The following MYO9B variants were observed in gnomAD, a reference collection of about 807,000 sequenced individuals.
The protein encoded by MYO9B is myosin IXB.
In MYO9B, 71 loss-of-function variants were observed where a neutral mutation model predicts 229.5. That is an observed-to-expected ratio of 0.31 (90% confidence interval 0.26 to 0.38). The LOEUF (loss-of-function observed/expected upper bound fraction) is 0.38. Among genes scored for constraint, MYO9B ranks in the 10% least tolerant of loss-of-function variants. MYO9B has a pLI of 1.00. For missense variants in MYO9B, 2,255 were observed against 2,920.5 expected (o/e 0.77, Z 5.25); for synonymous variants, 1,185 against 1,235.8 (o/e 0.96, Z 0.86).
rs191233046 is a variant in MYO9B, at chr19:17,202,276, C to T, written c.4809C>T (p.Tyr1603=). ...QSLLDEFTRG[Y]TKNDFEPVKQ... The stretch of plus-strand genomic sequence containing the variant: ...TGCTAGATGAGTTCACCCGTGGCTA[C>T]ACCAAGAACGACTTCGAGCCAGTGA... The change falls in exon 28 of 40, where the codon TAC becomes TAT. Residue 1603 remains tyrosine, a synonymous_variant. Coordinates refer to ENST00000682292, the MANE Select transcript of MYO9B (RefSeq NM_004145.4). 34 of 1,578,236 alleles carry T rather than the reference C, an allele frequency of 2.2e-5. No individual in the cohort carries two copies. In the East Asian group the frequency reaches 7.1e-4, roughly 33 times the overall value.
intron 37 of MYO9B, 32 bp downstream of exon 37, chr19:17,210,412 TGTCTCCCGGTGCA>T: frequency 1.9e-6 from 3 of 1,559,874 alleles, no homozygotes; most frequent in Non-Finnish European, 2.6e-6. Context: ...CCGCGGTGCA[TGTCTCCCGGTGCA>T]GTGCATGCTG....
intron 2 of MYO9B, among the ~76,000 whole-genome samples, chr19:17,129,887 C>G (rs574542925): frequency 6.6e-6 from 1 of 152,260 alleles, no homozygotes; most frequent in African/African-American, 2.4e-5. Context: ...GCAATCATAG[C>G]TCACTGTAGC....
chr19:17,183,711 C>T lies in MYO9B; in HGVS notation c.2334-118C>T. 1.8e-5 allele frequency: 15 copies of T among 826,458 alleles called. 1 individual carries two copies. In the South Asian group the frequency reaches 2.7e-4, roughly 15 times the overall value. 51.2% of individuals were successfully genotyped at this position (826,458 alleles called of 1,614,324 possible). ...GCCTTGTTGCACTTGCGCCTTCTCA[C>T]TCTCTCCCCTCTCTCTGTGTCTCTC... On this transcript the variant is annotated intron_variant, in intron 15 of 39. Coordinates refer to ENST00000682292, the MANE Select transcript of MYO9B (RefSeq NM_004145.4).
intron 13 of MYO9B, among the ~76,000 whole-genome samples, chr19:17,175,180 G>A (rs1026039881): frequency 6.6e-6 from 1 of 151,636 alleles, no homozygotes; most frequent in Non-Finnish European, 1.5e-5. Context: ...GGCTGAAGTA[G>A]GAGGATTGCT....
At chr19:17,103,337 T>C (rs1188555364) in intron 2 of MYO9B, 1 of 152,134 alleles carries the variant, frequency 6.6e-6, no homozygotes, top group Non-Finnish European at 1.5e-5. Context: ...AAGAAGAGGA[T>C]GCAATGCCAT....
At chr19:17,140,581 C>T (rs567355805) in intron 2 of MYO9B, among the ~76,000 whole-genome samples, 6 of 151,978 alleles carry the variant, frequency 3.9e-5, no homozygotes, top group East Asian at 2.0e-4. Flanking sequence ...CTCCGCCTCC[C>T]GGGTTCAAGC....
intron 3 of MYO9B, among the ~76,000 whole-genome samples, chr19:17,149,658 CTT>C (rs1186554747): frequency 6.6e-6 from 1 of 152,204 alleles, no homozygotes; most frequent in Non-Finnish European, 1.5e-5. Context: ...GCAGGTGACA[CTT>C]CTCCATGCCA....
Position 17,128,230 on chromosome 19 carries a change from T to C in MYO9B, c.841-17167T>C, listed in dbSNP as rs114947524. ...TATCTATACTGAAAAAAAAAAATTT[T>C]TTTTTTTAAATTTAGCAAGGCACAG... is the stretch of plus-strand genomic sequence containing the variant. On this transcript the variant is annotated intron_variant, in intron 2 of 39. Coordinates refer to ENST00000682292, the MANE Select transcript of MYO9B (RefSeq NM_004145.4). Among the ~76,000 whole-genome samples, 746 of 152,090 alleles carry C rather than the reference T, an allele frequency of 4.9e-3. 6 individuals are homozygous for C. Among genetic ancestry groups the C allele is most frequent in the African/African-American group, 0.017 (708 of 41,496 alleles).
intron 2 of MYO9B, among the ~76,000 whole-genome samples, chr19:17,141,983 C>T (rs1273193485): frequency 6.6e-6 from 1 of 152,090 alleles, no homozygotes; most frequent in Non-Finnish European, 1.5e-5. Context: ...TCAAGACCAG[C>T]CTGGGCAACT....
intron 22 of MYO9B, among the ~76,000 whole-genome samples, chr19:17,197,406 TGATAGATAGATAGATA>T (rs11455979): frequency 3.2e-4 from 41 of 128,840 alleles, no homozygotes; most frequent in East Asian, 1.0e-3. Context: ...GATAGATAGA[TGATAGATAGATAGATA>T]GATAGATAGA....
At chr19:17,114,267 A>G (rs894592519) in intron 2 of MYO9B, among the ~76,000 whole-genome samples, 1 of 152,162 alleles carries the variant, frequency 6.6e-6, no homozygotes, top group Non-Finnish European at 1.5e-5. Context: ...GGAGTTACAC[A>G]TCAACCCGAC....
At chr19:17,191,836 C>T (rs942951152) in intron 20 of MYO9B, among the ~76,000 whole-genome samples, 3 of 152,122 alleles carry the variant, frequency 2.0e-5, no homozygotes, top group Admixed American at 1.3e-4. Flanking sequence ...ATTAGCCAAG[C>T]GTGGTGGCAT....
At chr19:17,082,623 A>G (rs1357472050) in intron 1 of MYO9B, among the ~76,000 whole-genome samples, 1 of 152,018 alleles carries the variant, frequency 6.6e-6, no homozygotes, top group Admixed American at 6.6e-5. Flanking sequence ...TGAATGTGCC[A>G]TGGGGGGCAA....
In MYO9B at chr19:17,168,087, T is replaced by C. The variant is rs750677752; in HGVS notation, c.1793+23T>C. 3.7e-6 allele frequency: 6 copies of C among 1,610,004 alleles called. No individual in the cohort carries two copies. In the African/African-American group the frequency reaches 8.0e-5, roughly 22 times the overall value. On this transcript the variant is annotated intron_variant, in intron 11 of 39. Coordinates refer to ENST00000682292, the MANE Select transcript of MYO9B (RefSeq NM_004145.4). Reference sequence around the variant, plus strand: ...CAAGTGAGTGTCCACACCCCGTCCATCCCGGCACATCTACGCATGGGCACT... The same window carrying C: ...CAAGTGAGTGTCCACACCCCGTCCACCCCGGCACATCTACGCATGGGCACT...
At chr19:17,080,164 C>T (rs1357736265) in intron 1 of MYO9B, among the ~76,000 whole-genome samples, 1 of 152,198 alleles carries the variant, frequency 6.6e-6, no homozygotes, top group East Asian at 1.9e-4. Context: ...TTGTTTAAAA[C>T]CCATCTCTGC....
Position 17,195,578 on chromosome 19 carries a change from G to C in MYO9B, c.4046+105G>C. 1 of 1,399,654 alleles carries C rather than the reference G, an allele frequency of 7.1e-7. No individual in the cohort carries two copies. Among genetic ancestry groups the C allele is most frequent in the African/African-American group, 1.4e-5 (1 of 70,448 alleles). The allele number at this position is 1,399,654 out of a possible 1,614,324, so 86.7% of individuals were successfully genotyped here. On this transcript the variant is annotated intron_variant, in intron 22 of 39. Coordinates refer to ENST00000682292, the MANE Select transcript of MYO9B (RefSeq NM_004145.4). The surrounding 1 kb of genome is among the most constrained non-coding windows in gnomAD (Gnocchi z 4.5). ...GGAAACACATGTGTAATCATGCCCA[G>C]TGGGTGTGCGGGAGGCCTGAGGGAG...
At chr19:17,204,983 C>T (rs1254475035) in intron 30 of MYO9B, among the ~76,000 whole-genome samples, 3 of 151,822 alleles carry the variant, frequency 2.0e-5, no homozygotes, top group Non-Finnish European at 4.4e-5. Context: ...GAAACCCTGT[C>T]GCTACTAAAA....
intron 1 of MYO9B, among the ~76,000 whole-genome samples, chr19:17,082,073 T>C (rs903707226): frequency 2.0e-5 from 3 of 152,130 alleles, no homozygotes; most frequent in Admixed American, 2.0e-4. Context: ...CACAAGTGAT[T>C]GAACAAAAGA....
At chr19:17,093,231 G>A (rs750463705) in intron 1 of MYO9B, among the ~76,000 whole-genome samples, 11 of 152,106 alleles carry the variant, frequency 7.2e-5, no homozygotes, top group East Asian at 1.9e-4. Flanking sequence ...TACTTGGGAG[G>A]CTGAGGCAGG....
Sources: allele counts gnomAD v4.1 joint callset (sites outside exome capture counted in the v4.1 genomes callset), GRCh38; gene constraint gnomAD v4.1.1; non-coding constraint Gnocchi (gnomAD v3.1); transcripts MANE v1.5; gene names NCBI Gene and HGNC (gene_info 2026-07-23, HGNC 2026-07-21).